The following PSG7 variants were observed in gnomAD, a reference collection of about 807,000 sequenced individuals.
PSG7 encodes the protein pregnancy-specific beta-1-glycoprotein 7.
A neutral mutation model predicts 45.6 loss-of-function variants in PSG7; 57 were observed. That is an observed-to-expected ratio of 1.25 (90% CI 1.01 to 1.56). The LOEUF (loss-of-function observed/expected upper bound fraction) is 1.56. Among genes scored for constraint, PSG7 ranks in the 40% most tolerant of loss-of-function variants. PSG7 has a pLI of 0.00. For synonymous variants in PSG7, 298 were observed against 194.4 expected, an observed-to-expected ratio of 1.53 and a Z score of -4.43; for missense variants, 796 against 508.4, an observed-to-expected ratio of 1.57 and a Z score of -5.44.
chr19:42,936,662 T>C (rs1160887855), intron 1 of PSG7, among the ~76,000 whole-genome samples: 2 of 151,290 alleles, frequency 1.3e-5, no homozygotes, highest in Admixed American at 6.6e-5. Context: ...CCTTTTTTTC[T>C]TTTGGGACGG....
intron 2 of PSG7, among the ~76,000 whole-genome samples, chr19:42,930,202 G>A (rs915278196): frequency 2.0e-5 from 3 of 151,638 alleles, no homozygotes; most frequent in Non-Finnish European, 4.4e-5. Context: ...TTGGGTACTG[G>A]AAAGCCTGGC....
intron 1 of PSG7, 109 bp from the exon 2 acceptor site, chr19:42,935,878 AC>A: frequency 1.9e-6 from 1 of 517,686 alleles, no homozygotes; most frequent in Non-Finnish European, 2.6e-6. Context: ...TTGAAGACAC[AC>A]ACACACACAC....
intron 2 of PSG7, among the ~76,000 whole-genome samples, chr19:42,930,308 G>A (rs1376020255): frequency 2.6e-5 from 4 of 151,638 alleles, no homozygotes; most frequent in South Asian, 4.2e-4. Context: ...ACAAGGTGGC[G>A]CAGTTTTCCC....
chr19:42,929,351 A>G (rs1381027158), intron 3 of PSG7, 91 bp downstream of exon 3: 2 of 1,606,116 alleles, frequency 1.2e-6, no homozygotes, highest in Admixed American at 3.4e-5. Context: ...AGGTCTACAT[A>G]CTTGGACCTG....
intron 2 of PSG7, among the ~76,000 whole-genome samples, chr19:42,933,874 T>C (rs960115861): frequency 6.6e-6 from 1 of 151,030 alleles, no homozygotes; most frequent in Non-Finnish European, 1.5e-5. Context: ...TGAGGTGGGG[T>C]GGCTTTAGGG....
intron 2 of PSG7, among the ~76,000 whole-genome samples, chr19:42,931,314 A>G (rs1343619289): frequency 6.6e-6 from 1 of 151,030 alleles, no homozygotes; most frequent in Non-Finnish European, 1.5e-5. Context: ...CAGCAGGATC[A>G]CATTATGCTC....
rs780665001 is a variant in PSG7, at chr19:42,925,727, G to A, written c.1243+46C>T. 9 of 1,610,596 alleles carry A rather than the reference G, an allele frequency of 5.6e-6. 1 individual carries two copies. Among genetic ancestry groups the A allele is most frequent in the Non-Finnish European group, 5.1e-6 (6 of 1,178,286 alleles). On this transcript the variant is annotated intron_variant, in intron 5 of 5. Transcript: ENST00000406070. ...CTGACTTTTCTCTGAAAGTCAGATA[G>A]ACTGCACCTAAAACCCTATTGCCAA...
intron 5 of PSG7, chr19:42,925,086 A>G (rs1972496181): frequency 1.9e-6 from 1 of 521,460 alleles, no homozygotes; most frequent in Non-Finnish European, 3.4e-6. Flanking sequence ...AGTTTTTATA[A>G]GGAATCTCAG....
chr19:42,928,373 T>A (rs1243684430), intron 3 of PSG7, among the ~76,000 whole-genome samples: 1 of 151,580 alleles, frequency 6.6e-6, no homozygotes, highest in African/African-American at 2.4e-5. Flanking sequence ...TCACTTTGCG[T>A]AGTATTTTCT....
intron 2 of PSG7, among the ~76,000 whole-genome samples, chr19:42,934,708 G>C (rs1355324334): frequency 6.6e-6 from 1 of 151,578 alleles, no homozygotes; most frequent in Non-Finnish European, 1.5e-5. Flanking sequence ...TCTCTCTTCT[G>C]TTTCTGCTTC....
In PSG7 at chr19:42,935,525, G is replaced by A. The variant is rs1272027067; in HGVS notation, c.309C>T (p.Ser103=). 1.2e-6 allele frequency: 2 copies of A among 1,612,072 alleles called. No individual in the cohort carries two copies. The highest frequency in any genetic ancestry group is 1.3e-5 in the African/African-American group (1 of 74,684). Residue 103 remains serine, a synonymous_variant, in exon 2 of 6, where the codon TCC becomes TCT. Coordinates refer to ENST00000406070, the MANE Select transcript of PSG7 (RefSeq NM_002783.3). ...CATTCTGGATCAGCAGGGATGCATT[G>A]GAATATACTGTTTCTCGTCCACTGT... The part of the protein sequence containing the change: ...PAYSGRETVY[S]NASLLIQNVT...
intron 2 of PSG7, among the ~76,000 whole-genome samples, chr19:42,933,305 A>ATTT (rs1294208407): frequency 0.012 from 168 of 13,724 alleles, 3 homozygotes; most frequent in Non-Finnish European, 0.025. Context: ...ATATATATAT[A>ATTT]TATTTTTTTT....
intron 5 of PSG7, chr19:42,925,108 A>G (rs1400303631): frequency 5.7e-5 from 27 of 476,534 alleles, no homozygotes; most frequent in Non-Finnish European, 8.1e-5. Context: ...TTAAACCTTT[A>G]CAAAACTCTT....
intron 2 of PSG7, among the ~76,000 whole-genome samples, chr19:42,933,305 ATATTTTTTT>A (rs1196303581): frequency 1.5e-4 from 2 of 13,732 alleles, no homozygotes; most frequent in Non-Finnish European, 3.4e-4. Context: ...ATATATATAT[ATATTTTTTT>A]TTTTTTTTGG....
chr19:42,926,433 C>A lies in PSG7; in HGVS notation c.988+5G>T. On this transcript the variant is annotated splice_donor_5th_base_variant and intron_variant, in intron 4 of 5. Coordinates refer to ENST00000406070, the MANE Select transcript of PSG7 (RefSeq NM_002783.3). ...GAGGAAGAAAGGATACTCAAGGATA[C>A]TCACAGAGGACATTCAGGGTGACTG... 2.5e-6 allele frequency: 4 copies of A among 1,610,888 alleles called. No homozygotes were observed. Among genetic ancestry groups the A allele is most frequent in the Non-Finnish European group, 3.4e-6 (4 of 1,178,620 alleles).
intron 2 of PSG7, among the ~76,000 whole-genome samples, chr19:42,933,693 G>A (rs901420683): frequency 6.6e-6 from 1 of 150,890 alleles, no homozygotes; most frequent in African/African-American, 2.4e-5. Context: ...AGAATGAAGT[G>A]GGAGGAAGAT....
chr19:42,925,314 C>A (rs1432822976), intron 5 of PSG7: 13 of 347,062 alleles, frequency 3.7e-5, no homozygotes, highest in Non-Finnish European at 6.8e-5. Context: ...ATAAACATAT[C>A]AATACTCATG....
chr19:42,928,842 G>A (rs1361805903), intron 3 of PSG7, among the ~76,000 whole-genome samples: 2 of 151,532 alleles, frequency 1.3e-5, no homozygotes, highest in Non-Finnish European at 2.9e-5. Context: ...GCTGAGTTAT[G>A]GATGAAAGAG....
intron 5 of PSG7, 156 bp from the exon 6 acceptor site, chr19:42,924,980 G>A: frequency 4.6e-6 from 3 of 652,034 alleles, no homozygotes; most frequent in South Asian, 1.8e-5. Context: ...TGCAAAATAG[G>A]TTGAGTTTCT....
Sources: gnomAD v4.1 joint callset for allele counts (sites outside exome capture counted in the v4.1 genomes callset) on GRCh38, gnomAD v4.1.1 for gene constraint, MANE v1.5 for transcripts, NCBI Gene and HGNC (gene_info 2026-07-23, HGNC 2026-07-21) for gene names.